The following MAGI2 variants were observed in gnomAD, a reference collection of about 807,000 sequenced individuals.
MAGI2 encodes membrane-associated guanylate kinase, WW and PDZ domain-containing protein 2.
MAGI2 carries 35 observed loss-of-function variants against 133.3 expected under a neutral mutation model. That is an observed-to-expected ratio of 0.26 (90% CI 0.20 to 0.35). The LOEUF (loss-of-function observed/expected upper bound fraction) is 0.35. MAGI2 is among the 10% of genes least tolerant of loss of function. The probability of loss-of-function intolerance (pLI) is 1.00; values close to 1 mark genes in which losing one functional copy is unlikely to be tolerated. For missense variants in MAGI2, 1,636 were observed against 1,863.4 expected, an observed-to-expected ratio of 0.88 and a Z score of 2.25; for synonymous variants, 729 against 710.6, an observed-to-expected ratio of 1.03 and a Z score of -0.41.
chr7:78,439,881 G>A (rs1787425099), intron 6 of MAGI2, among the ~76,000 whole-genome samples: 1 of 151,970 alleles, frequency 6.6e-6, no homozygotes, highest in Non-Finnish European at 1.5e-5. Context: ...TGGCTGCTTG[G>A]TCCAGTAATG....
At chr7:78,332,840 G>A (rs1319514481) in intron 9 of MAGI2, among the ~76,000 whole-genome samples, 1 of 152,148 alleles carries the variant, frequency 6.6e-6, no homozygotes, top group Non-Finnish European at 1.5e-5. Flanking sequence ...AAAATGAAGT[G>A]GAGTTTTGAA....
chr7:79,249,431 T>TA (rs1487868524), intron 1 of MAGI2, among the ~76,000 whole-genome samples: 20 of 151,686 alleles, frequency 1.3e-4, no homozygotes, highest in Admixed American at 1.3e-3. Context: ...ATTTAAATAA[T>TA]AAAATTTAAA....
intron 2 of MAGI2, among the ~76,000 whole-genome samples, chr7:78,750,239 C>G (rs544998249): frequency 6.6e-6 from 1 of 152,122 alleles, no homozygotes; most frequent in African/African-American, 2.4e-5. Context: ...GGATAGTATT[C>G]CATGGTGTAT....
At chr7:78,685,652 G>A (rs13224341) in intron 2 of MAGI2, among the ~76,000 whole-genome samples, 47 of 83,882 alleles carry the variant, frequency 5.6e-4, no homozygotes, top group Middle Eastern at 6.0e-3. Context: ...ATATATATAT[G>A]TGTGTGTGTG....
At chr7:78,546,919 A>T (rs1033058488) in intron 3 of MAGI2, among the ~76,000 whole-genome samples, 1 of 152,226 alleles carries the variant, frequency 6.6e-6, no homozygotes, top group Non-Finnish European at 1.5e-5. Flanking sequence ...TGCATTGGAC[A>T]TGGTTAAGCA....
intron 1 of MAGI2, among the ~76,000 whole-genome samples, chr7:79,252,233 A>G (rs1162613837): frequency 6.6e-6 from 1 of 151,980 alleles, no homozygotes; most frequent in Non-Finnish European, 1.5e-5. Context: ...ATGAAATACT[A>G]TTCAGCCATA....
intron 2 of MAGI2, among the ~76,000 whole-genome samples, chr7:78,646,257 T>C (rs1266588752): frequency 2.0e-5 from 3 of 152,126 alleles, no homozygotes; most frequent in Non-Finnish European, 4.4e-5. Context: ...TGGAATACAC[T>C]CAGTTGTTAT....
intron 3 of MAGI2, among the ~76,000 whole-genome samples, chr7:78,573,060 T>C (rs1563187544): frequency 1.0e-5 from 1 of 99,786 alleles, no homozygotes; most frequent in African/African-American, 4.0e-5. Flanking sequence ...TATATATATA[T>C]ATATATATAT....
At chr7:78,467,801 CAAAG>C (rs1478707205) in intron 6 of MAGI2, among the ~76,000 whole-genome samples, 3 of 151,672 alleles carry the variant, frequency 2.0e-5, no homozygotes, top group Non-Finnish European at 1.5e-5. Context: ...CCTAAATAGA[CAAAG>C]AAAGTATGTG....
chr7:79,453,595 G>A lies in MAGI2; in HGVS notation c.-275C>T. ...AGGCTGTGGCCCCGCAGCAGAGGAA[G>A]CAGTGGTGGTGGCGTCGGCGGCGGC... On this transcript the variant is annotated 5_prime_UTR_variant, in exon 1 of 22. Coordinates refer to ENST00000354212, the MANE Select transcript of MAGI2 (RefSeq NM_012301.4). 2 of 1,150,632 alleles carry A rather than the reference G, an allele frequency of 1.7e-6. No individual in the cohort carries two copies. Among genetic ancestry groups the A allele is most frequent in the South Asian group, 3.7e-5 (1 of 27,368 alleles). The allele number at this position is 1,150,632 out of a possible 1,614,324, so 71.3% of individuals were successfully genotyped here.
chr7:78,401,509 G>T (rs563081049), intron 6 of MAGI2, among the ~76,000 whole-genome samples: 90 of 152,008 alleles, frequency 5.9e-4, no homozygotes, highest in Middle Eastern at 3.4e-3. Flanking sequence ...CTTGTGCCCT[G>T]TTAGTGCTCT....
chr7:78,781,438 T>TA (rs567673884), intron 2 of MAGI2, among the ~76,000 whole-genome samples: 1 of 149,862 alleles, frequency 6.7e-6, no homozygotes, highest in East Asian at 2.0e-4. Flanking sequence ...GCCTACTATG[T>TA]AAAAAAAATT....
chr7:79,357,738 A>T (rs1842117727), intron 1 of MAGI2, among the ~76,000 whole-genome samples: 2 of 152,132 alleles, frequency 1.3e-5, no homozygotes, highest in African/African-American at 4.8e-5. Context: ...CAAGCCTAAA[A>T]TAGGACCTAA....
chr7:79,420,001 G>C (rs1846831870), intron 1 of MAGI2, among the ~76,000 whole-genome samples: 1 of 151,976 alleles, frequency 6.6e-6, no homozygotes, highest in Non-Finnish European at 1.5e-5. Flanking sequence ...GCATATTATT[G>C]GTTACATCAA....
Position 78,369,185 on chromosome 7 carries a change from A to G in MAGI2, c.1074T>C (p.Asp358=). 6.2e-7 allele frequency: 1 copy of G among 1,605,810 alleles called. No individual in the cohort carries two copies. Among genetic ancestry groups the G allele is most frequent in the East Asian group, 2.2e-5 (1 of 44,722 alleles). ...NELPYGWEKI[D]DPIYGTYYVD... ...CATAATAAGTGCCATAAATGGGATCATCGATTTTTTCCCAGCCATATGGAA... is the reference window on the plus strand; with the variant it reads ...CATAATAAGTGCCATAAATGGGATCGTCGATTTTTTCCCAGCCATATGGAA... Residue 358 remains aspartate, a synonymous_variant, in exon 7 of 22, where the codon GAT becomes GAC. Coordinates refer to ENST00000354212, the MANE Select transcript of MAGI2 (RefSeq NM_012301.4).
At chr7:78,799,130 CT>C (rs1787853246) in intron 2 of MAGI2, among the ~76,000 whole-genome samples, 1 of 152,096 alleles carries the variant, frequency 6.6e-6, no homozygotes, top group Non-Finnish European at 1.5e-5. Flanking sequence ...GCTGGTGTCC[CT>C]TTTATGTCTT....
chr7:78,982,408 T>G (rs957610321), intron 2 of MAGI2, among the ~76,000 whole-genome samples: 1 of 151,946 alleles, frequency 6.6e-6, no homozygotes, highest in Non-Finnish European at 1.5e-5. Flanking sequence ...CTGTAAAGTT[T>G]TTGGCTAATT....
At chr7:78,406,763 A>G (rs1051717468) in intron 6 of MAGI2, among the ~76,000 whole-genome samples, 1 of 152,174 alleles carries the variant, frequency 6.6e-6, no homozygotes, top group South Asian at 2.1e-4. Context: ...ACAGCTGTAA[A>G]CTTATTGTAG....
intron 1 of MAGI2, among the ~76,000 whole-genome samples, chr7:79,034,035 A>C (rs1249877100): frequency 1.3e-5 from 2 of 152,154 alleles, no homozygotes; most frequent in African/African-American, 4.8e-5. Flanking sequence ...GATTAAGAAA[A>C]AGATGATATA....
Sources: allele counts gnomAD v4.1 joint callset (sites outside exome capture counted in the v4.1 genomes callset), GRCh38; gene constraint gnomAD v4.1.1; transcripts MANE v1.5; gene names NCBI Gene and HGNC (gene_info 2026-07-23, HGNC 2026-07-21).